KCNMA1: variants seen among roughly 807,000 people sequenced by gnomAD.
The protein encoded by KCNMA1 is potassium calcium-activated channel subfamily M alpha 1.
Under a neutral mutation model 140.0 loss-of-function variants are expected in KCNMA1, and 29 were observed. That is an observed-to-expected ratio of 0.21 (90% CI 0.15 to 0.28). The LOEUF is 0.28. Among genes scored for constraint, KCNMA1 ranks in the 10% least tolerant of loss-of-function variants. KCNMA1 has a pLI of 1.00. For missense variants in KCNMA1, 880 were observed against 1,602.2 expected, an observed-to-expected ratio of 0.55 and a Z score of 7.70; for synonymous variants, 612 against 611.9, an observed-to-expected ratio of 1.00 and a Z score of 0.00.
At chr10:77,087,293 G>A (rs2096713497) in intron 10 of KCNMA1, among the ~76,000 whole-genome samples, 1 of 152,056 alleles carries the variant, frequency 6.6e-6, no homozygotes, top group African/African-American at 2.4e-5. Context: ...GTAATCAAAT[G>A]AGCCAATTCT....
chr10:77,433,947 GTAAC>G (rs1603618550), intron 1 of KCNMA1, among the ~76,000 whole-genome samples: 2 of 152,182 alleles, frequency 1.3e-5, no homozygotes, highest in East Asian at 3.9e-4. Flanking sequence ...CGCCACAAGG[GTAAC>G]TGCAATTCCA....
chr10:77,092,563 A>T (rs2096840268), intron 9 of KCNMA1, among the ~76,000 whole-genome samples: 1 of 152,208 alleles, frequency 6.6e-6, no homozygotes, highest in African/African-American at 2.4e-5. Flanking sequence ...CTCATCACTT[A>T]GATGTGAAAG....
chr10:76,892,498 T>C (rs1384883524), intron 25 of KCNMA1, among the ~76,000 whole-genome samples: 1 of 152,348 alleles, frequency 6.6e-6, no homozygotes, highest in Non-Finnish European at 1.5e-5. Context: ...CCAGCCTAAT[T>C]TGAGAAATTC....
Position 76,887,217 on chromosome 10 carries a change from G to A in KCNMA1, c.*49C>T, listed in dbSNP as rs372796836. 2.5e-6 allele frequency: 4 copies of A among 1,613,544 alleles called. No homozygotes were observed. The African/African-American group carries it at 5.3e-5, about 22-fold the overall frequency. On this transcript the variant is annotated 3_prime_UTR_variant, in exon 28 of 28. Transcript: ENST00000286628. ...TTACTTTGTTGGAAACACCAACTGG[G>A]GAAATGAGTGGCAGATACAGTTTCA...
At position 77,108,458 on chromosome 10, in the gene KCNMA1, G is replaced by A. The variant is rs760689296; in HGVS notation, c.1223+23C>T. ...AGAGGATTCTACCGCAGCAGAGGCA[G>A]CAAAACCTCTTGGCATACTTACTTT... On this transcript the variant is annotated intron_variant, in intron 9 of 27. Coordinates refer to ENST00000286628, the MANE Select transcript of KCNMA1 (RefSeq NM_001161352.2). The surrounding 1 kb of genome is among the most constrained non-coding windows in gnomAD (Gnocchi z 4.6). 3.1e-6 allele frequency: 5 copies of A among 1,605,534 alleles called. No individual in the cohort carries two copies. The Admixed American group carries it at 8.3e-5, about 27-fold the overall frequency.
At position 76,995,447 on chromosome 10, in the gene KCNMA1, C is replaced by T. The variant is rs749998750; in HGVS notation, c.2266+5960G>A. ...AGACGGACTTGACATTTGCTCCAAG[C>T]CTGCTCTAATTCAAACCTCTGCTTG... On this transcript the variant is annotated intron_variant, in intron 19 of 27. Coordinates refer to ENST00000286628, the MANE Select transcript of KCNMA1 (RefSeq NM_001161352.2). 9 of 410,014 alleles carry T rather than the reference C, an allele frequency of 2.2e-5. 1 individual carries two copies. Among genetic ancestry groups the T allele is most frequent in the South Asian group, 1.7e-4 (9 of 54,062 alleles). 25.4% of individuals were successfully genotyped at this position (410,014 alleles called of 1,614,324 possible).
chr10:76,898,164 G>T (rs1045365225), intron 25 of KCNMA1, among the ~76,000 whole-genome samples: 2 of 151,674 alleles, frequency 1.3e-5, no homozygotes, highest in Non-Finnish European at 3.0e-5. Context: ...TTTCAGACTT[G>T]TTCAAATGCC....
intron 2 of KCNMA1, among the ~76,000 whole-genome samples, chr10:77,310,980 C>A (rs1458885810): frequency 3.9e-5 from 6 of 152,198 alleles, no homozygotes; most frequent in Non-Finnish European, 8.8e-5. Flanking sequence ...TCCAACTCTT[C>A]ATTGCAGATT....
chr10:76,994,293 A>T (rs1409204342), intron 19 of KCNMA1, among the ~76,000 whole-genome samples: 4 of 152,204 alleles, frequency 2.6e-5, no homozygotes, highest in African/African-American at 9.6e-5. Flanking sequence ...AAATTAATTA[A>T]TATTTGTGGT....
At position 77,637,343 on chromosome 10, in the gene KCNMA1, C is replaced by T. The variant is rs376723692; in HGVS notation, c.300G>A (p.Gly100=). Residue 100 remains glycine, a synonymous_variant, in exon 1 of 28, where the codon GGG becomes GGA. Transcript: ENST00000286628. ...FLASSMVTFF[G]GLFIILLWRT... is the part of the protein sequence containing the mutation. ...GCCAGAGCAAGATGATGAAGAGGCC[C>T]CCGAAGAAAGTCACCATGGAGGAGG... is the stretch of plus-strand genomic sequence containing the variant. 2.5e-6 allele frequency: 4 copies of T among 1,613,810 alleles called. No individual in the cohort carries two copies. Among genetic ancestry groups the T allele is most frequent in the Non-Finnish European group, 3.4e-6 (4 of 1,179,954 alleles).
Position 76,889,560 on chromosome 10 carries a change from A to C in KCNMA1, c.3352T>G (p.Cys1118Gly), listed in dbSNP as rs2038955047. ...GPFADLGDGG[C>G]YGDLFCKALK... ...GCTTTGCAGAACAGATCACCATAAC[A>C]ACCACCATCCTGGGAGACAGCAAAA... The change falls in exon 27 of 28, where the codon TGT becomes GGT. Residue 1118 changes from cysteine (C) to glycine (G), a missense_variant. Physicochemically the swap from Cys to Gly is radical, Grantham distance 159 (BLOSUM62 -3). This residue lies in a region of KCNMA1 where 5 missense variants were observed against 28.2 expected (regional missense o/e 0.18). Transcript: ENST00000286628. 6.2e-7 allele frequency: 1 copy of C among 1,611,470 alleles called. No homozygotes were observed. Among genetic ancestry groups the C allele is most frequent in the Non-Finnish European group, 8.5e-7 (1 of 1,177,688 alleles).
intron 2 of KCNMA1, among the ~76,000 whole-genome samples, chr10:77,285,516 A>G (rs1043512383): frequency 6.6e-6 from 1 of 152,218 alleles, no homozygotes; most frequent in African/African-American, 2.4e-5. Context: ...GGTGAAAATT[A>G]AGATGTTACA....
intron 1 of KCNMA1, among the ~76,000 whole-genome samples, chr10:77,489,990 G>A (rs2098512391): frequency 6.6e-6 from 1 of 152,170 alleles, no homozygotes; most frequent in Non-Finnish European, 1.5e-5. Flanking sequence ...CGGCACTGTT[G>A]ACATTTTGGT....
chr10:77,299,181 C>T (rs1215442284), intron 2 of KCNMA1, among the ~76,000 whole-genome samples: 3 of 152,152 alleles, frequency 2.0e-5, no homozygotes, highest in Admixed American at 2.0e-4. Flanking sequence ...AAGTTGAAGA[C>T]CACACCCTGC....
At chr10:76,958,726 G>A (rs1420592173) in intron 20 of KCNMA1, among the ~76,000 whole-genome samples, 1 of 152,094 alleles carries the variant, frequency 6.6e-6, no homozygotes, top group African/African-American at 2.4e-5. Flanking sequence ...AAGAAGAGAG[G>A]CCTGAAACAG....
chr10:77,565,103 G>C (rs950513948), intron 1 of KCNMA1, among the ~76,000 whole-genome samples: 1 of 152,200 alleles, frequency 6.6e-6, no homozygotes, highest in Non-Finnish European at 1.5e-5. Context: ...GCCCCATCAA[G>C]GGCCACTCTC....
chr10:77,118,787 A>G (rs974087187), intron 6 of KCNMA1, among the ~76,000 whole-genome samples: 1 of 152,210 alleles, frequency 6.6e-6, no homozygotes, highest in Non-Finnish European at 1.5e-5. Context: ...CCACACCGTC[A>G]GGTGGCCTGG....
rs573958699 is a variant in KCNMA1 at position 77,359,144 on chromosome 10, C to A, written c.540+44718G>T. ...ATTCTTCCTGTTCTACCCCATTTAA[C>A]CCTGTCCCCTCAACCCAGAGGTGTC... On this transcript the variant is annotated intron_variant, in intron 2 of 27. Coordinates refer to ENST00000286628, the MANE Select transcript of KCNMA1 (RefSeq NM_001161352.2). Among the ~76,000 whole-genome samples the A allele has an allele frequency of 1.1e-4, 17 of 152,330 alleles. 1 individual carries two copies. The South Asian group carries it at 2.7e-3, about 24-fold the overall frequency.
At chr10:77,336,176 C>G (rs1401983382) in intron 2 of KCNMA1, among the ~76,000 whole-genome samples, 1 of 152,026 alleles carries the variant, frequency 6.6e-6, no homozygotes, top group Non-Finnish European at 1.5e-5. Context: ...AGGACACATG[C>G]AGGGGAGGGT....
Sources: allele counts gnomAD v4.1 joint callset (sites outside exome capture counted in the v4.1 genomes callset), GRCh38; gene constraint gnomAD v4.1.1; regional missense constraint gnomAD v4.1.1; non-coding constraint Gnocchi (gnomAD v3.1); transcripts MANE v1.5; gene names NCBI Gene and HGNC (gene_info 2026-07-23, HGNC 2026-07-21).